Variants in NOS1AP observed in about 807,000 individuals in gnomAD.
The protein encoded by NOS1AP is carboxyl-terminal PDZ ligand of neuronal nitric oxide synthase protein.
NOS1AP carries 21 observed loss-of-function variants against 56.2 expected under a neutral mutation model. That is an observed-to-expected ratio of 0.37 (90% confidence interval 0.26 to 0.54). The LOEUF (loss-of-function observed/expected upper bound fraction) is 0.54. Among genes scored for constraint, NOS1AP ranks in the 20% least tolerant of loss-of-function variants. The pLI is 0.84. For missense variants in NOS1AP, 522 were observed against 657.8 expected (o/e 0.79, Z 2.26); for synonymous variants, 270 against 274.6 (o/e 0.98, Z 0.17).
chr1:162,176,554 G>A (rs1408750084), intron 2 of NOS1AP, among the ~76,000 whole-genome samples: 1 of 137,518 alleles, frequency 7.3e-6, no homozygotes, highest in East Asian at 2.2e-4. Flanking sequence ...CTGTTGCCAG[G>A]CTGGAGTGCA....
At chr1:162,129,176 C>A (rs1648632911) in intron 1 of NOS1AP, among the ~76,000 whole-genome samples, 1 of 152,110 alleles carries the variant, frequency 6.6e-6, no homozygotes, top group African/African-American at 2.4e-5. Flanking sequence ...CTTTATGACT[C>A]ACTTAAGCCT....
chr1:162,190,022 G>A (rs113563661), intron 2 of NOS1AP, among the ~76,000 whole-genome samples: 1 of 152,202 alleles, frequency 6.6e-6, no homozygotes, highest in South Asian at 2.1e-4. Flanking sequence ...GTCCCAGATC[G>A]TGGAGACCTT....
intron 2 of NOS1AP, among the ~76,000 whole-genome samples, chr1:162,192,716 A>T (rs1317890770): frequency 6.6e-6 from 1 of 152,202 alleles, no homozygotes; most frequent in East Asian, 1.9e-4. Context: ...ATAGATTTTT[A>T]AAATAATTTA....
At chr1:162,333,411 T>A (rs1251303634) in intron 5 of NOS1AP, among the ~76,000 whole-genome samples, 1 of 151,956 alleles carries the variant, frequency 6.6e-6, no homozygotes, top group Non-Finnish European at 1.5e-5. Context: ...AGCCTTGGGG[T>A]AGGAAAAAAG....
intron 2 of NOS1AP, among the ~76,000 whole-genome samples, chr1:162,259,169 C>T (rs1654127749): frequency 6.6e-6 from 1 of 152,194 alleles, no homozygotes; most frequent in Admixed American, 6.5e-5. Context: ...GTTGTACTCT[C>T]ATCTTTTGTG....
intron 2 of NOS1AP, among the ~76,000 whole-genome samples, chr1:162,184,647 G>A (rs59235603): frequency 0.019 from 2,856 of 152,202 alleles, 89 homozygotes; most frequent in African/African-American, 0.064. Context: ...ATCGTGGGAC[G>A]TTCTAACATC....
chr1:162,166,465 C>T (rs533599443), intron 2 of NOS1AP, among the ~76,000 whole-genome samples: 9 of 152,346 alleles, frequency 5.9e-5, no homozygotes, highest in Admixed American at 2.0e-4. Context: ...CTTCCCATTG[C>T]GGCTGAAGCC....
chr1:162,311,250 G>A (rs535351967), intron 4 of NOS1AP, among the ~76,000 whole-genome samples: 3 of 152,274 alleles, frequency 2.0e-5, no homozygotes, highest in South Asian at 2.1e-4. Flanking sequence ...TTGCCCTGCA[G>A]TATCATCTAC....
At chr1:162,324,401 G>T (rs1656515971) in intron 4 of NOS1AP, among the ~76,000 whole-genome samples, 1 of 133,480 alleles carries the variant, frequency 7.5e-6, no homozygotes, top group Non-Finnish European at 1.6e-5. Flanking sequence ...TAGTGGTTTT[G>T]TGAGGGACAC....
chr1:162,192,987 G>C (rs972046511), intron 2 of NOS1AP, among the ~76,000 whole-genome samples: 1 of 152,250 alleles, frequency 6.6e-6, no homozygotes, highest in East Asian at 1.9e-4. Context: ...AAAGTCAAGA[G>C]TGTGCCCATG....
intron 1 of NOS1AP, among the ~76,000 whole-genome samples, chr1:162,082,891 T>A (rs75811491): frequency 0.014 from 8 of 566 alleles, no homozygotes; most frequent in African/African-American, 0.013. Flanking sequence ...CTTTTTTTCT[T>A]TTTTTTTTTT....
chr1:162,283,928 C>A (rs1213935299), intron 2 of NOS1AP, among the ~76,000 whole-genome samples: 1 of 152,208 alleles, frequency 6.6e-6, no homozygotes, highest in African/African-American at 2.4e-5. Context: ...GGAGGCTGGT[C>A]TGAGCCACAG....
rs373369196 is a variant in NOS1AP, at chr1:162,240,244, A to AGCGTGT, written c.178-47099_178-47098insCGTGTG. Among the ~76,000 whole-genome samples the AGCGTGT allele has an allele frequency of 4.1e-3, 574 of 141,302 alleles. 2 individuals are homozygous for AGCGTGT. The highest frequency in any genetic ancestry group is 0.015 in the African/African-American group (547 of 37,244). The allele number at this position is 141,302 out of a possible 152,430, so 92.7% of individuals were successfully genotyped here. ...CCCATTCCTGCTGCACTGTGTGGCC[A>AGCGTGT]GTGTGTGTGTGTGTGTGTGTGTGTG... On this transcript the variant is annotated intron_variant, in intron 2 of 9. Coordinates refer to ENST00000361897, the MANE Select transcript of NOS1AP (RefSeq NM_014697.3).
intron 2 of NOS1AP, among the ~76,000 whole-genome samples, chr1:162,230,034 C>T (rs1653073122): frequency 6.6e-6 from 1 of 152,032 alleles, no homozygotes; most frequent in Non-Finnish European, 1.5e-5. Context: ...TTAAAGAATA[C>T]AAGAGAAGCA....
At chr1:162,226,790 T>C (rs1652958568) in intron 2 of NOS1AP, among the ~76,000 whole-genome samples, 1 of 152,236 alleles carries the variant, frequency 6.6e-6, no homozygotes, top group African/African-American at 2.4e-5. Context: ...AATATCCCCA[T>C]TAGCACTTTG....
At chr1:162,315,565 A>C (rs914331047) in intron 4 of NOS1AP, among the ~76,000 whole-genome samples, 2 of 152,144 alleles carry the variant, frequency 1.3e-5, no homozygotes, top group Admixed American at 6.5e-5. Flanking sequence ...CGAGGTCCAG[A>C]GGGTTAAGCA....
intron 2 of NOS1AP, among the ~76,000 whole-genome samples, chr1:162,247,642 T>A (rs7541606): frequency 0.22 from 33,549 of 152,084 alleles, 4,177 homozygotes; most frequent in East Asian, 0.52. Context: ...AACTCCCATT[T>A]CTACATGTAT....
intron 6 of NOS1AP, among the ~76,000 whole-genome samples, chr1:162,353,280 G>C (rs1035336753): frequency 6.6e-6 from 1 of 152,114 alleles, no homozygotes; most frequent in African/African-American, 2.4e-5. Context: ...ATGCTGACTC[G>C]TCCTGGTCAG....
chr1:162,161,464 T>A (rs1650212454), intron 2 of NOS1AP, among the ~76,000 whole-genome samples: 1 of 152,246 alleles, frequency 6.6e-6, no homozygotes, highest in Non-Finnish European at 1.5e-5. Flanking sequence ...CAGTTGTTCT[T>A]TAATCATCAG....
Sources: gnomAD v4.1 joint callset for allele counts (sites outside exome capture counted in the v4.1 genomes callset) on GRCh38, gnomAD v4.1.1 for gene constraint, MANE v1.5 for transcripts, NCBI Gene and HGNC (gene_info 2026-07-23, HGNC 2026-07-21) for gene names.